TCF4: variants seen among roughly 807,000 people sequenced by gnomAD.
TCF4 encodes the protein transcription factor 4.
Under a neutral mutation model 82.1 loss-of-function variants are expected in TCF4, and 3 were observed. The ratio of observed to expected loss-of-function variants is 0.04; its 90% CI spans 0.02 to 0.09. The LOEUF is 0.09. Among genes scored for constraint, TCF4 ranks in the 10% least tolerant of loss-of-function variants. The pLI is 1.00. For synonymous variants in TCF4, 276 were observed against 309.6 expected (o/e 0.89, Z 1.14); for missense variants, 518 against 852.7 (o/e 0.61, Z 4.89).
At chr18:55,322,447 A>AC in intron 8 of TCF4, 1 of 1,007,900 alleles carries the variant, frequency 9.9e-7, no homozygotes, top group South Asian at 4.7e-5. Flanking sequence ...AAAAAAAAAA[A>AC]AAACACCACG....
At chr18:55,228,728 C>T in intron 18 of TCF4, 119 bp downstream of exon 18, 1 of 1,075,728 alleles carries the variant, frequency 9.3e-7, no homozygotes, top group Admixed American at 2.0e-5. Flanking sequence ...GGAAACAATT[C>T]TTTGGAATGA....
intron 3 of TCF4, among the ~76,000 whole-genome samples, chr18:55,491,315 C>T (rs764559197): frequency 9.9e-5 from 15 of 152,088 alleles, no homozygotes; most frequent in Non-Finnish European, 2.1e-4. Flanking sequence ...GGAAGACATA[C>T]TCCAGGCCAA....
At chr18:55,423,902 T>C (rs1294196091) in intron 5 of TCF4, among the ~76,000 whole-genome samples, 1 of 152,026 alleles carries the variant, frequency 6.6e-6, no homozygotes, top group African/African-American at 2.4e-5. Context: ...GGGTGGTGAC[T>C]GGGCGGAAGG....
At chr18:55,332,867 G>C (rs2077864559) in intron 8 of TCF4, among the ~76,000 whole-genome samples, 1 of 152,190 alleles carries the variant, frequency 6.6e-6, no homozygotes, top group Non-Finnish European at 1.5e-5. Context: ...TTACTTCTGT[G>C]ATGTATACAC....
chr18:55,506,867 C>CTT (rs901825211), intron 3 of TCF4, among the ~76,000 whole-genome samples: 3 of 139,724 alleles, frequency 2.1e-5, no homozygotes, highest in Non-Finnish European at 3.1e-5. Flanking sequence ...TTTTTTTTTT[C>CTT]TTTTTTTTTT....
chr18:55,396,525 G>A (rs1204640009), intron 6 of TCF4, among the ~76,000 whole-genome samples: 2 of 152,082 alleles, frequency 1.3e-5, no homozygotes, highest in Non-Finnish European at 2.9e-5. Context: ...CCCTCGAGTC[G>A]GCCAGTCAAC....
Position 55,257,593 on chromosome 18 carries a change from A to T in TCF4, c.1070-202T>A, listed in dbSNP as rs112454654. The T allele has an allele frequency of 1.2e-3, 729 of 605,484 alleles. 5 individuals are homozygous for T. The highest frequency in any genetic ancestry group is 0.011 in the African/African-American group (600 of 54,024). The allele number at this position is 605,484 out of a possible 1,614,324, so 37.5% of individuals were successfully genotyped here. A position where few individuals can be genotyped will look rare whatever the true frequency, so the allele number is the denominator to read the frequency against. ...TGTAAAATATGTAGACTTTACATAG[A>T]CTCACAATTCCCCCAGGCTGGCTGT... On this transcript the variant is annotated intron_variant, in intron 13 of 19. Transcript: ENST00000354452.
chr18:55,332,654 AT>A, intron 8 of TCF4, among the ~76,000 whole-genome samples: 1 of 152,362 alleles, frequency 6.6e-6, no homozygotes, highest in South Asian at 2.1e-4. Context: ...TGGCAGAAAC[AT>A]TGGCCATTGC....
chr18:55,629,090 A>G (rs984104798), intron 2 of TCF4, among the ~76,000 whole-genome samples: 1 of 152,134 alleles, frequency 6.6e-6, no homozygotes, highest in African/African-American at 2.4e-5. Context: ...TATTTTACAT[A>G]ACAATCTTAT....
At chr18:55,549,257 C>T (rs887825691) in intron 3 of TCF4, among the ~76,000 whole-genome samples, 5 of 152,018 alleles carry the variant, frequency 3.3e-5, no homozygotes, top group Non-Finnish European at 7.4e-5. Flanking sequence ...GCCAAGATCG[C>T]ACCACTGCAC....
chr18:55,503,458 G>A (rs2096721664), intron 3 of TCF4, among the ~76,000 whole-genome samples: 2 of 152,092 alleles, frequency 1.3e-5, no homozygotes, highest in Non-Finnish European at 2.9e-5. Flanking sequence ...CTAAGAGGAA[G>A]GCCAAACAGG....
Position 55,585,462 on chromosome 18 carries a change from T to C in TCF4, c.73-110A>G, listed in dbSNP as rs1280358172. 5 of 1,031,592 alleles carry C rather than the reference T, an allele frequency of 4.8e-6. No individual in the cohort carries two copies. The Admixed American group carries it at 9.8e-5, about 20-fold the overall frequency. The allele number at this position is 1,031,592 out of a possible 1,614,324, so 63.9% of individuals were successfully genotyped here. On this transcript the variant is annotated intron_variant, in intron 2 of 19. Transcript: ENST00000354452. ...AACAGCTTAGAGTTTATGCTAAGGGTTTATTTAGTAAAATACATCACCATC... is the reference window on the plus strand; with the variant it reads ...AACAGCTTAGAGTTTATGCTAAGGGCTTATTTAGTAAAATACATCACCATC...
intron 3 of TCF4, among the ~76,000 whole-genome samples, chr18:55,580,442 T>C (rs1402023802): frequency 1.3e-5 from 2 of 152,040 alleles, no homozygotes; most frequent in African/African-American, 4.8e-5. Flanking sequence ...GGCATCCATG[T>C]AGACTATCAA....
At position 55,270,476 on chromosome 18, in the gene TCF4, T is replaced by A. The variant is rs565124154; in HGVS notation, c.790-513A>T. Among the ~76,000 whole-genome samples, 3 of 152,250 alleles carry A rather than the reference T, an allele frequency of 2.0e-5. No homozygotes were observed. In the East Asian group the frequency reaches 5.8e-4, roughly 29 times the overall value. On this transcript the variant is annotated intron_variant, in intron 10 of 19. Transcript: ENST00000354452. ...AAATTTTTTTGAACCCCAGCAACAA[T>A]AAAATTTAGTAAATAAAAAATTTAA...
At chr18:55,627,338 T>C (rs644279) in intron 2 of TCF4, among the ~76,000 whole-genome samples, 81,151 of 152,046 alleles carry the variant, frequency 0.53, 22,917 homozygotes, top group African/African-American at 0.72. Context: ...GCAGGCATTA[T>C]GGTGCAGTAG....
chr18:55,437,043 T>G (rs999134191), intron 5 of TCF4, among the ~76,000 whole-genome samples: 1 of 152,252 alleles, frequency 6.6e-6, no homozygotes, highest in Non-Finnish European at 1.5e-5. Flanking sequence ...TTTCTTAGCA[T>G]CCTTAGCTAT....
At chr18:55,310,818 T>C (rs923994153) in intron 8 of TCF4, among the ~76,000 whole-genome samples, 3 of 152,252 alleles carry the variant, frequency 2.0e-5, no homozygotes, top group Non-Finnish European at 4.4e-5. Context: ...TAATTTCTTC[T>C]TTCCACTTTA....
intron 8 of TCF4, among the ~76,000 whole-genome samples, chr18:55,312,732 C>T (rs2072933465): frequency 6.6e-6 from 1 of 152,148 alleles, no homozygotes; most frequent in Admixed American, 6.5e-5. Flanking sequence ...CTATTTCTAG[C>T]AGTTTTAGCT....
chr18:55,231,566 G>C (rs1037611883), intron 17 of TCF4: 1 of 152,182 alleles, frequency 6.6e-6, no homozygotes, highest in African/African-American at 2.4e-5. Flanking sequence ...AGAACTGACT[G>C]GTCTAACACA....
Sources: gnomAD v4.1 joint callset for allele counts (sites outside exome capture counted in the v4.1 genomes callset) on GRCh38, gnomAD v4.1.1 for gene constraint, MANE v1.5 for transcripts, NCBI Gene and HGNC (gene_info 2026-07-23, HGNC 2026-07-21) for gene names.